PRSS48: variants seen among roughly 807,000 people sequenced by gnomAD.
PRSS48 encodes serine protease 48.
In PRSS48, 21 loss-of-function variants were observed where a neutral mutation model predicts 25.6. The ratio of observed to expected loss-of-function variants is 0.82; its 90% confidence interval spans 0.58 to 1.18. PRSS48 has a LOEUF of 1.18. Among genes scored for constraint, PRSS48 ranks in the 50% most tolerant of loss-of-function variants. The pLI is 0.00. For synonymous variants in PRSS48, 150 were observed against 149.3 expected, an observed-to-expected ratio of 1.00 and a Z score of -0.04; for missense variants, 373 against 399.3, an observed-to-expected ratio of 0.93 and a Z score of 0.56.
chr4:151,278,807 A>G (rs905740637), intron 1 of PRSS48, among the ~76,000 whole-genome samples: 1 of 151,922 alleles, frequency 6.6e-6, no homozygotes, highest in South Asian at 2.1e-4. Context: ...ATTTCTTTAT[A>G]TTTTTTGTAG....
At chr4:151,284,338 A>G (rs1774534673) in intron 4 of PRSS48, among the ~76,000 whole-genome samples, 1 of 152,012 alleles carries the variant, frequency 6.6e-6, no homozygotes, top group Non-Finnish European at 1.5e-5. Context: ...TTCTGCTGTC[A>G]TTTACATTTT....
chr4:151,291,733 C>T (rs1775352997), downstream of PRSS48, among the ~76,000 whole-genome samples: 1 of 152,110 alleles, frequency 6.6e-6, no homozygotes, highest in Non-Finnish European at 1.5e-5. Context: ...TATTTGTAGA[C>T]ACAAATTAAA....
intron 2 of PRSS48, 96 bp downstream of exon 2, chr4:151,280,054 T>TCAACTAG: frequency 2.3e-6 from 2 of 872,648 alleles, no homozygotes; most frequent in Non-Finnish European, 3.4e-6. Flanking sequence ...AGTGGTAAAA[T>TCAACTAG]AGGCAGGGCG....
downstream of PRSS48, among the ~76,000 whole-genome samples, chr4:151,291,801 C>T (rs1775357261): frequency 6.6e-6 from 1 of 152,138 alleles, no homozygotes; most frequent in Admixed American, 6.5e-5. Context: ...TAATAAGGGT[C>T]TACCTCGTGC....
intron 1 of PRSS48, among the ~76,000 whole-genome samples, chr4:151,278,274 A>AT (rs571100331): frequency 1.9e-4 from 29 of 148,738 alleles, no homozygotes; most frequent in African/African-American, 4.7e-4. Flanking sequence ...TTCATAGAGC[A>AT]TTTTTTTTTT....
At position 151,278,469 on chromosome 4, in the gene PRSS48, AC is replaced by A. The variant is rs1773868995; in HGVS notation, c.52+1246del. 2.6e-5 allele frequency among the ~76,000 whole-genome samples: 4 copies of A among 151,374 alleles called. No homozygotes were observed. In the South Asian group the frequency reaches 8.3e-4, roughly 32 times the overall value. On this transcript the variant is annotated intron_variant, in intron 1 of 4. Transcript: ENST00000455694. ...CCAAAAGAAGAAAAAAAAAACCCTG[AC>A]TAGTATTTAGGAAGTGATTTGTGAA...
At chr4:151,289,832 C>T (rs952892905) in intron 4 of PRSS48, among the ~76,000 whole-genome samples, 1 of 152,220 alleles carries the variant, frequency 6.6e-6, no homozygotes, top group Non-Finnish European at 1.5e-5. Context: ...GTAATCTCAA[C>T]TACTCAGAAG....
intron 4 of PRSS48, among the ~76,000 whole-genome samples, chr4:151,284,197 G>A (rs948337529): frequency 4.6e-5 from 7 of 152,076 alleles, no homozygotes; most frequent in Non-Finnish European, 7.3e-5. Flanking sequence ...TCCCCTTCTA[G>A]ATGAAACCAT....
rs17027505 is a variant in PRSS48 at position 151,282,285 on chromosome 4, T to C, written c.353T>C (p.Leu118Ser). The C allele has an allele frequency of 7.0e-3, 11,277 of 1,613,928 alleles. 626 individuals are homozygous for C. In the African/African-American group the frequency reaches 0.13, roughly 18 times the overall value. Residue 118 changes from leucine to serine, a missense_variant, in exon 3 of 5, where the codon TTG becomes TCG. By Grantham distance (145) the Leu-to-Ser change is moderately radical (BLOSUM62 -2). Coordinates refer to ENST00000455694, the Ensembl canonical transcript of PRSS48. ...GATACAACGGCAGACGTCGCCTTGT[T>C]GAAACTGTCCTCTCAAGTCACCTTC...
Position 151,282,399 on chromosome 4 carries a change from T to G in PRSS48, c.467T>G (p.Val156Gly), listed in dbSNP as rs771091556. The stretch of plus-strand genomic sequence containing the variant: ...TGTTGGGTGACCGGATGGGGAAAAG[T>G]TAAGGAAAGTTCAGGTGAGAATGGG... The change falls in exon 3 of 5, where the codon GTT (valine) becomes GGT (glycine). Residue 156 changes from valine to glycine, a missense_variant. Val to Gly is a moderately radical substitution (Grantham distance 109). Transcript: ENST00000455694. 3 of 1,613,850 alleles carry G rather than the reference T, an allele frequency of 1.9e-6. No homozygotes were observed. The South Asian group carries it at 3.3e-5, about 18-fold the overall frequency.
At chr4:151,291,377 G>A (rs1775324676) in exon 5 of PRSS48, 2 of 1,614,002 alleles carry the variant, frequency 1.2e-6, no homozygotes, top group East Asian at 4.5e-5. Flanking sequence ...CACAGAGTAG[G>A]CACTGTAGCT....
Position 151,277,234 on chromosome 4 carries a change from A to G in PRSS48, c.52+10A>G. On this transcript the variant is annotated intron_variant, in intron 1 of 4. Transcript: ENST00000455694. ...CTGCTGGGGATCTCAGGTGAGCGCC[A>G]GGGTGGGGTTGAGAAGGCAGAGGCA... 6.7e-7 allele frequency: 1 copy of G among 1,500,104 alleles called. No individual in the cohort carries two copies. Among genetic ancestry groups the G allele is most frequent in the Non-Finnish European group, 9.0e-7 (1 of 1,112,544 alleles). 92.9% of individuals were successfully genotyped at this position (1,500,104 alleles called of 1,614,324 possible).
chr4:151,281,665 CTTG>C (rs1336138588), intron 2 of PRSS48, among the ~76,000 whole-genome samples: 1 of 133,108 alleles, frequency 7.5e-6, no homozygotes, highest in Non-Finnish European at 1.7e-5. Context: ...GGGCAGAGAA[CTTG>C]TTATTTATTT....
chr4:151,279,617 G>T (rs1025315804), intron 1 of PRSS48, among the ~76,000 whole-genome samples, 179 bp from the exon 2 acceptor site: 3 of 152,206 alleles, frequency 2.0e-5, no homozygotes, highest in Non-Finnish European at 4.4e-5. Context: ...ACAATCAGGG[G>T]AGTGGTCTCC....
At position 151,283,220 on chromosome 4, in the gene PRSS48, G is replaced by T. The variant is rs769810680; in HGVS notation, c.585G>T (p.Leu195=). The T allele has an allele frequency of 5.0e-6, 8 of 1,613,824 alleles. No individual in the cohort carries two copies. The South Asian group carries it at 8.8e-5, about 18-fold the overall frequency. The change falls in exon 4 of 5, where the codon CTG becomes CTT. Residue 195 remains leucine, a synonymous_variant. Transcript: ENST00000455694. ...CCATCGGTATCTTCTTGCCAGCACT[G>T]GAGCCAGTCATCAAGGAAGACAAGA...
exon 3 of PRSS48, chr4:151,282,148 G>A: frequency 6.2e-7 from 1 of 1,613,518 alleles, no homozygotes; most frequent in Non-Finnish European, 8.5e-7. Context: ...TTCCCCATAG[G>A]ACCTGGACTA....
chr4:151,291,808 G>A (rs754335924), downstream of PRSS48, among the ~76,000 whole-genome samples: 10 of 152,092 alleles, frequency 6.6e-5, no homozygotes, highest in Non-Finnish European at 1.3e-4. Flanking sequence ...GGTCTACCTC[G>A]TGCCCATGGG....
chr4:151,279,946 A>G lies in PRSS48; in HGVS notation c.203A>G (p.His68Arg), dbSNP rs1406613629. Residue 68 changes from histidine (H) to arginine (R), a missense_variant, in exon 2 of 5, where the codon CAC becomes CGC. Transcript: ENST00000455694. ...GAGAGGTTGATACTGACAGCAGCAC[A>G]CTGCATACAACCGTGAGTTCTAGCT... 3 of 1,613,318 alleles carry G rather than the reference A, an allele frequency of 1.9e-6. No individual in the cohort carries two copies. Among genetic ancestry groups the G allele is most frequent in the Non-Finnish European group, 2.5e-6 (3 of 1,179,848 alleles).
At chr4:151,282,079 G>T in intron 2 of PRSS48, 69 bp from the exon 3 acceptor site, 1 of 1,530,114 alleles carries the variant, frequency 6.5e-7, no homozygotes, top group Non-Finnish European at 8.9e-7. Context: ...GAGACTTAGT[G>T]CTACATATAG....
Sources: gnomAD v4.1 joint callset for allele counts (sites outside exome capture counted in the v4.1 genomes callset) on GRCh38, gnomAD v4.1.1 for gene constraint, MANE v1.5 for transcripts, NCBI Gene and HGNC (gene_info 2026-07-23, HGNC 2026-07-21) for gene names.